The following ATP2B4 variants were observed in gnomAD, a reference collection of about 807,000 sequenced individuals.
ATP2B4 encodes the protein plasma membrane calcium-transporting ATPase 4.
ATP2B4 carries 39 observed loss-of-function variants against 110.3 expected under a neutral mutation model. The observed-to-expected ratio is 0.35, with a 90% confidence interval of 0.27 to 0.46. The LOEUF is 0.46. Ranked by LOEUF, ATP2B4 falls within the 20% of genes least tolerant of loss-of-function variation. The pLI is 1.00. For synonymous variants in ATP2B4, 538 were observed against 571.7 expected, an observed-to-expected ratio of 0.94 and a Z score of 0.84; for missense variants, 1,135 against 1,530.9, an observed-to-expected ratio of 0.74 and a Z score of 4.32.
chr1:203,697,350 T>A (rs970790215), intron 2 of ATP2B4, among the ~76,000 whole-genome samples: 2 of 152,262 alleles, frequency 1.3e-5, no homozygotes, highest in Non-Finnish European at 2.9e-5. Flanking sequence ...CTGGCCTTTG[T>A]GTGTGAGCCA....
intron 18 of ATP2B4, 111 bp downstream of exon 18, chr1:203,722,800 T>G (rs1164648843): frequency 1.6e-5 from 16 of 1,020,248 alleles, no homozygotes; most frequent in Non-Finnish European, 2.3e-5. Flanking sequence ...TTACGGGGAC[T>G]GGAGCTGTAA....
At chr1:203,651,619 G>C (rs771521781) in intron 1 of ATP2B4, among the ~76,000 whole-genome samples, 21 of 152,114 alleles carry the variant, frequency 1.4e-4, no homozygotes, top group Non-Finnish European at 2.6e-4. Context: ...TATACTAGCT[G>C]GGCACAGTAG....
intron 1 of ATP2B4, among the ~76,000 whole-genome samples, chr1:203,655,968 G>A (rs185072853): frequency 6.6e-6 from 1 of 151,992 alleles, no homozygotes; most frequent in Non-Finnish European, 1.5e-5. Flanking sequence ...GCAACGGTGC[G>A]ATCTCGGCTC....
intron 20 of ATP2B4, among the ~76,000 whole-genome samples, chr1:203,729,975 G>A (rs116299662): frequency 0.013 from 1,927 of 152,224 alleles, 34 homozygotes; most frequent in African/African-American, 0.043. Flanking sequence ...GTTTCAAGAA[G>A]AGAAACTCCA....
chr1:203,628,377 G>T (rs1318121704), intron 1 of ATP2B4, among the ~76,000 whole-genome samples: 3 of 152,180 alleles, frequency 2.0e-5, no homozygotes, highest in African/African-American at 7.2e-5. Context: ...CTTGGGAGGG[G>T]AGTGGGCACT....
At chr1:203,737,762 A>G (rs977013729) in intron 20 of ATP2B4, among the ~76,000 whole-genome samples, 1 of 152,158 alleles carries the variant, frequency 6.6e-6, no homozygotes, top group Admixed American at 6.5e-5. Flanking sequence ...TTGAGCTGAT[A>G]CTGTTGAGTG....
intron 1 of ATP2B4, among the ~76,000 whole-genome samples, chr1:203,669,497 C>A (rs539049985): frequency 2.0e-5 from 3 of 152,052 alleles, no homozygotes; most frequent in Non-Finnish European, 4.4e-5. Flanking sequence ...AGTGCGATGG[C>A]GTGATCTCGG....
At chr1:203,732,727 G>C (rs2102235487) in intron 20 of ATP2B4, among the ~76,000 whole-genome samples, 1 of 151,664 alleles carries the variant, frequency 6.6e-6, no homozygotes, top group African/African-American at 2.4e-5. Context: ...AAGAGTACAG[G>C]TAAAAAGGGG....
chr1:203,665,611 C>G lies in ATP2B4; in HGVS notation c.-464-17131C>G, dbSNP rs148825320. Among the ~76,000 whole-genome samples, 1,228 of 152,088 alleles carry G rather than the reference C, an allele frequency of 8.1e-3. 15 individuals carry two copies. Among genetic ancestry groups the G allele is most frequent in the Non-Finnish European group, 0.012 (789 of 67,986 alleles). On this transcript the variant is annotated intron_variant, in intron 1 of 20. Transcript: ENST00000357681. ...GGTCAGGAGTTCAAGACCAGCCTGG[C>G]CAATATGGTGAAACCCTGTCTCTAC...
At chr1:203,727,697 G>A (rs1666565073) in intron 20 of ATP2B4, 126 bp downstream of exon 20, 2 of 1,179,540 alleles carry the variant, frequency 1.7e-6, no homozygotes, top group Admixed American at 5.2e-5. Flanking sequence ...CTGATGGGCA[G>A]CCCTAGATCC....
intron 6 of ATP2B4, among the ~76,000 whole-genome samples, chr1:203,701,245 C>T (rs978707477): frequency 6.6e-6 from 1 of 152,168 alleles, no homozygotes; most frequent in Non-Finnish European, 1.5e-5. Flanking sequence ...AAATGCCTTC[C>T]GTGTACTCCC....
At position 203,721,286 on chromosome 1, in the gene ATP2B4, G is replaced by A. The variant is rs200415493; in HGVS notation, c.2688G>A (p.Thr896=). 17 of 1,614,070 alleles carry A rather than the reference G, an allele frequency of 1.1e-5. No homozygotes were observed. The highest frequency in any genetic ancestry group is 1.3e-5 in the African/African-American group (1 of 74,942). ...ASLALATEPP[T]ESLLKRRPYG... is the part of the protein sequence containing the mutation. ...TGGCCCTGGCCACAGAGCCCCCTAC[G>A]GAATCTCTGTTGAAGCGGCGCCCCT... Residue 896 remains threonine, a synonymous_variant, in exon 17 of 21, where the codon ACG becomes ACA. Coordinates refer to ENST00000357681, the MANE Select transcript of ATP2B4 (RefSeq NM_001684.5).
chr1:203,700,933 A>T lies in ATP2B4; in HGVS notation c.901+10A>T. On this transcript the variant is annotated intron_variant, in intron 6 of 20. Coordinates refer to ENST00000357681, the MANE Select transcript of ATP2B4 (RefSeq NM_001684.5). ...GAGAAAAAGAAGAAAGGTAAGGGGC[A>T]TCTGGAATGAGATTCTCTTTCCTCT... 3.7e-6 allele frequency: 6 copies of T among 1,610,604 alleles called. No individual in the cohort carries two copies. The South Asian group carries it at 6.6e-5, about 18-fold the overall frequency.
chr1:203,707,113 T>C lies in ATP2B4; in HGVS notation c.1204T>C (p.Tyr402His). ...ATGGCTCCCTGAGTGTACTCCCATC[T>C]ACATCCAGTACTTTGTCAAGTTCTT... ...RPWLPECTPIYIQYFVKFFII... is the reference protein window; with the variant it reads ...RPWLPECTPIHIQYFVKFFII... Residue 402 changes from tyrosine to histidine, a missense_variant, in exon 9 of 21, where the codon TAC (tyrosine) becomes CAC (histidine). Coordinates refer to ENST00000357681, the MANE Select transcript of ATP2B4 (RefSeq NM_001684.5). The C allele has an allele frequency of 6.2e-7, 1 of 1,614,168 alleles. No individual in the cohort carries two copies. The highest frequency in any genetic ancestry group is 8.5e-7 in the Non-Finnish European group (1 of 1,180,022).
intron 20 of ATP2B4, among the ~76,000 whole-genome samples, chr1:203,737,545 A>T (rs1666905089): frequency 6.6e-6 from 1 of 152,192 alleles, no homozygotes; most frequent in African/African-American, 2.4e-5. Context: ...TTTTATGTAG[A>T]TCAGTGAAAA....
chr1:203,717,164 T>C (rs141773487), intron 15 of ATP2B4, among the ~76,000 whole-genome samples: 2,433 of 152,122 alleles, frequency 0.016, 72 homozygotes, highest in African/African-American at 0.056. Context: ...CGCCTCTGCA[T>C]TCCAGCCTGG....
intron 1 of ATP2B4, among the ~76,000 whole-genome samples, chr1:203,644,582 C>A (rs1296559410): frequency 6.6e-6 from 1 of 152,186 alleles, no homozygotes; most frequent in Admixed American, 6.6e-5. Context: ...GCTAAATGTA[C>A]TTCTAGGATG....
intron 1 of ATP2B4, among the ~76,000 whole-genome samples, chr1:203,631,526 G>A (rs12749310): frequency 0.53 from 80,735 of 151,978 alleles, 22,564 homozygotes; most frequent in Non-Finnish European, 0.63. Flanking sequence ...AACACCTCAT[G>A]GCAAGGTCTA....
chr1:203,635,115 C>T (rs1275489738), intron 1 of ATP2B4, among the ~76,000 whole-genome samples: 1 of 152,156 alleles, frequency 6.6e-6, no homozygotes, highest in African/African-American at 2.4e-5. Context: ...GCTGGGATTA[C>T]AGGCATGTAC....
Sources: gnomAD v4.1 joint callset for allele counts (sites outside exome capture counted in the v4.1 genomes callset) on GRCh38, gnomAD v4.1.1 for gene constraint, MANE v1.5 for transcripts, NCBI Gene and HGNC (gene_info 2026-07-23, HGNC 2026-07-21) for gene names.